The following STAMBP variants were observed in gnomAD, a reference collection of about 807,000 sequenced individuals.
STAMBP encodes the protein STAM binding protein, also known as STAM-binding protein.
In STAMBP, 31 loss-of-function variants were observed where a neutral mutation model predicts 50.7. That is an observed-to-expected ratio of 0.61 (90% CI 0.46 to 0.83). The LOEUF is 0.83. Ranked by LOEUF, STAMBP falls within the 40% of genes least tolerant of loss-of-function variation. The probability of loss-of-function intolerance (pLI) is 0.00; values close to 1 mark genes in which losing one functional copy is unlikely to be tolerated. For missense variants in STAMBP, 472 were observed against 518.9 expected, an observed-to-expected ratio of 0.91 and a Z score of 0.88; for synonymous variants, 211 against 192.4, an observed-to-expected ratio of 1.10 and a Z score of -0.80.
At chr2:73,848,916 G>A (rs191046833) in intron 5 of STAMBP, among the ~76,000 whole-genome samples, 6 of 152,034 alleles carry the variant, frequency 3.9e-5, no homozygotes, top group Admixed American at 3.3e-4. Flanking sequence ...AAGTTTTTGT[G>A]GGTACATAGT....
In STAMBP at chr2:73,845,753, T is replaced by C. The variant is rs1323673537; in HGVS notation, c.375+491T>C. 2.0e-5 allele frequency among the ~76,000 whole-genome samples: 3 copies of C among 151,312 alleles called. No homozygotes were observed. In the East Asian group the frequency reaches 5.8e-4, roughly 29 times the overall value. On this transcript the variant is annotated intron_variant, in intron 4 of 9. Transcript: ENST00000394070. ...CTCAAGTGATTCTCCTACCTCAGCC[T>C]CCCGAGTGACTGGGACTACAGGCAT...
Position 73,832,404 on chromosome 2 carries a change from G to A in STAMBP, c.203+1345G>A, listed in dbSNP as rs540635778. ...CAGGAGGCAGAGGTTGTAGTGAGCCGAGATCGTGCCACTGCACTCCAGGAC... is the reference window on the plus strand; with the variant it reads ...CAGGAGGCAGAGGTTGTAGTGAGCCAAGATCGTGCCACTGCACTCCAGGAC... On this transcript the variant is annotated intron_variant, in intron 2 of 9. Coordinates refer to ENST00000394070, the MANE Select transcript of STAMBP (RefSeq NM_213622.4). 8.6e-5 allele frequency among the ~76,000 whole-genome samples: 13 copies of A among 150,642 alleles called. No individual in the cohort carries two copies. In the South Asian group the frequency reaches 2.3e-3, roughly 27 times the overall value.
chr2:73,842,887 G>A (rs541318395), intron 2 of STAMBP, among the ~76,000 whole-genome samples: 7 of 152,266 alleles, frequency 4.6e-5, no homozygotes, highest in African/African-American at 7.2e-5. Context: ...CAGGAAGCTC[G>A]CAGTGTAGTT....
chr2:73,872,832 G>C (rs769769466), intron 10 of STAMBP, among the ~76,000 whole-genome samples: 4 of 152,170 alleles, frequency 2.6e-5, no homozygotes, highest in Non-Finnish European at 5.9e-5. Flanking sequence ...AATTGAAAGT[G>C]GGGGAAGGAT....
intron 7 of STAMBP, chr2:73,855,567 G>A (rs1677444256): frequency 2.2e-6 from 1 of 455,702 alleles, no homozygotes; most frequent in African/African-American, 2.0e-5. Flanking sequence ...GATGGAAGGT[G>A]GTGTTGGCAC....
chr2:73,832,674 T>C (rs988763867), intron 2 of STAMBP, among the ~76,000 whole-genome samples: 1 of 152,132 alleles, frequency 6.6e-6, no homozygotes, highest in African/African-American at 2.4e-5. Flanking sequence ...ACTGAATCAT[T>C]ATTTGTGGTG....
chr2:73,836,115 A>G (rs993025107), intron 2 of STAMBP, among the ~76,000 whole-genome samples: 12 of 152,356 alleles, frequency 7.9e-5, no homozygotes, highest in Non-Finnish European at 1.5e-4. Context: ...TAAAATCCAT[A>G]CATGTATTTA....
intron 2 of STAMBP, among the ~76,000 whole-genome samples, chr2:73,839,709 TC>T (rs1357148073): frequency 6.6e-5 from 10 of 152,336 alleles, no homozygotes; most frequent in Middle Eastern, 6.8e-3. Context: ...AAAAGAGAAG[TC>T]TCATCTATCA....
At position 73,849,495 on chromosome 2, in the gene STAMBP, G is replaced by GA. The variant is rs202168066; in HGVS notation, c.867+18dup. ...ATTCTCTGTGGAAAACTGGTAAAAAGAAAAAAAAAACCAAACTCTTCTCTG... is the reference window on the plus strand; with the variant it reads ...ATTCTCTGTGGAAAACTGGTAAAAAGAAAAAAAAAAACCAAACTCTTCTCTG... On this transcript the variant is annotated intron_variant, in intron 6 of 9. Coordinates refer to ENST00000394070, the MANE Select transcript of STAMBP (RefSeq NM_213622.4). 0.014 allele frequency: 18,210 copies of GA among 1,286,156 alleles called. 51 individuals carry two copies. Among genetic ancestry groups the GA allele is most frequent in the African/African-American group, 0.054 (3,531 of 65,134 alleles). 79.7% of individuals were successfully genotyped at this position (1,286,156 alleles called of 1,614,324 possible). A position where few individuals can be genotyped will look rare whatever the true frequency, so the allele number is the denominator to read the frequency against.
intron 2 of STAMBP, among the ~76,000 whole-genome samples, chr2:73,831,667 T>C (rs1673937672): frequency 6.6e-6 from 1 of 152,228 alleles, no homozygotes; most frequent in Non-Finnish European, 1.5e-5. Context: ...ATACATAATT[T>C]AGAAAGGAAA....
intron 2 of STAMBP, among the ~76,000 whole-genome samples, chr2:73,843,687 C>G (rs1675722652): frequency 6.6e-6 from 1 of 152,088 alleles, no homozygotes; most frequent in Non-Finnish European, 1.5e-5. Context: ...ACTTGTGTGC[C>G]TAATATAGAA....
At chr2:73,853,910 T>G (rs1015806447) in intron 7 of STAMBP, among the ~76,000 whole-genome samples, 1 of 152,244 alleles carries the variant, frequency 6.6e-6, no homozygotes, top group Non-Finnish European at 1.5e-5. Context: ...TATAGTTTAC[T>G]TTTGCCTGGC....
chr2:73,843,382 GTTT>G (rs1675661761), intron 2 of STAMBP, among the ~76,000 whole-genome samples: 1 of 135,814 alleles, frequency 7.4e-6, no homozygotes, highest in African/African-American at 3.0e-5. Flanking sequence ...GTTTTTTTAT[GTTT>G]TGTTATATAT....
chr2:73,859,238 CT>C lies in STAMBP; in HGVS notation c.1006-11del. ...TATCCTCGCTAAGAGTCCTCTGACT[CT>C]TTTTCTCTCCTCAGACTCACCCCAC... On this transcript the variant is annotated splice_polypyrimidine_tract_variant and intron_variant, in intron 7 of 9. Coordinates refer to ENST00000394070, the MANE Select transcript of STAMBP (RefSeq NM_213622.4). 1.2e-6 allele frequency: 2 copies of C among 1,607,786 alleles called. No homozygotes were observed. The highest frequency in any genetic ancestry group is 1.7e-6 in the Non-Finnish European group (2 of 1,174,250).
At position 73,849,383 on chromosome 2, in the gene STAMBP, C is replaced by T. The variant is rs754485280; in HGVS notation, c.763C>T (p.Arg255Cys). 65 of 1,613,874 alleles carry T rather than the reference C, an allele frequency of 4.0e-5. No homozygotes were observed. Among genetic ancestry groups the T allele is most frequent in the South Asian group, 1.3e-4 (12 of 91,078 alleles). Reference protein sequence around the residue: ...SESIPTIDGLRHVVVPGRLCP... With the variant: ...SESIPTIDGLCHVVVPGRLCP... Reference sequence around the variant, plus strand: ...TACAGTTCCCACAATCGATGGATTGCGCCATGTGGTGGTGCCTGGGCGGCT... The same window carrying T: ...TACAGTTCCCACAATCGATGGATTGTGCCATGTGGTGGTGCCTGGGCGGCT... The change falls in exon 6 of 10, where the codon CGC becomes TGC. Residue 255 changes from arginine to cysteine, a missense_variant. Arg to Cys is a radical substitution (Grantham distance 180). Coordinates refer to ENST00000394070, the MANE Select transcript of STAMBP (RefSeq NM_213622.4).
intron 7 of STAMBP, among the ~76,000 whole-genome samples, chr2:73,856,085 T>A (rs1175217470): frequency 1.3e-5 from 2 of 152,252 alleles, no homozygotes; most frequent in Non-Finnish European, 2.9e-5. Flanking sequence ...AATATGTGCT[T>A]AATAAAACAA....
At chr2:73,844,645 G>C in intron 2 of STAMBP, 168 bp from the exon 3 acceptor site, 1 of 497,156 alleles carries the variant, frequency 2.0e-6, no homozygotes, top group Non-Finnish European at 3.6e-6. Flanking sequence ...TCTTTAGGGG[G>C]ATAGAGATGG....
intron 4 of STAMBP, 151 bp downstream of exon 4, chr2:73,845,413 A>C (rs1675940449): frequency 4.8e-6 from 3 of 622,050 alleles, no homozygotes; most frequent in South Asian, 2.1e-5. Context: ...GTAGAACACC[A>C]GTGGTTAGGC....
intron 2 of STAMBP, among the ~76,000 whole-genome samples, chr2:73,833,904 C>G (rs1377617140): frequency 3.3e-5 from 5 of 151,886 alleles, no homozygotes; most frequent in Non-Finnish European, 1.5e-5. Context: ...GCACCAATCC[C>G]CCATGCAATC....
Sources: allele counts gnomAD v4.1 joint callset (sites outside exome capture counted in the v4.1 genomes callset), GRCh38; gene constraint gnomAD v4.1.1; transcripts MANE v1.5; gene names NCBI Gene and HGNC (gene_info 2026-07-23, HGNC 2026-07-21).